Variants in SPRED2 observed in about 807,000 individuals in gnomAD.
SPRED2 encodes the protein sprouty related EVH1 domain containing 2, also known as sprouty-related, EVH1 domain-containing protein 2.
A neutral mutation model predicts 43.0 loss-of-function variants in SPRED2; 47 were observed. The ratio of observed to expected loss-of-function variants is 1.09; its 90% confidence interval spans 0.87 to 1.40. SPRED2 has a LOEUF of 1.40. SPRED2 is among the 40% of genes most tolerant of loss of function. The pLI is 0.00. For missense variants in SPRED2, 561 were observed against 586.4 expected, an observed-to-expected ratio of 0.96 and a Z score of 0.45; for synonymous variants, 225 against 225.7, an observed-to-expected ratio of 1.00 and a Z score of 0.03.
Position 65,313,874 on chromosome 2 carries a change from C to A in SPRED2, c.884G>T (p.Gly295Val), listed in dbSNP as rs138517414. 1.2e-6 allele frequency: 2 copies of A among 1,610,466 alleles called. No individual in the cohort carries two copies. Among genetic ancestry groups the A allele is most frequent in the Admixed American group, 1.7e-5 (1 of 60,006 alleles). ...GTCCTCCTTCCGCCGCCGCGACTTG[C>A]CCCGGGAGGGCTGCGTCTTGATCAC... ...GSVIKTQPSR[G>V]KSRRRKEDGE... Residue 295 changes from glycine to valine, a missense_variant, in exon 6 of 6, where the codon GGC becomes GTC. Physicochemically the swap from Gly to Val is moderately radical, Grantham distance 109 (BLOSUM62 -3). Transcript: ENST00000356388.
At chr2:65,352,296 T>C (rs1674533563) in intron 1 of SPRED2, among the ~76,000 whole-genome samples, 1 of 152,358 alleles carries the variant, frequency 6.6e-6, no homozygotes, top group South Asian at 2.1e-4. Context: ...GAGAACCAGT[T>C]TGCATGATGT....
At chr2:65,347,557 CCAT>C (rs931911126) in intron 1 of SPRED2, among the ~76,000 whole-genome samples, 1 of 152,102 alleles carries the variant, frequency 6.6e-6, no homozygotes, top group Non-Finnish European at 1.5e-5. Context: ...GTGCCCACCA[CCAT>C]GCCTACGCTT....
rs1674990616 is a variant in SPRED2 at position 65,366,706 on chromosome 2, C to G, written c.27-21810G>C. The G allele has an allele frequency of 2.6e-6, 4 of 1,525,814 alleles. No homozygotes were observed. The African/African-American group carries it at 5.6e-5, about 21-fold the overall frequency. 94.5% of individuals were successfully genotyped at this position (1,525,814 alleles called of 1,614,324 possible). A position where few individuals can be genotyped will look rare whatever the true frequency, so the allele number is the denominator to read the frequency against. ...CGTCTCTTGCTGACCTGAGAACCAG[C>G]TGGCTGCCTGAGAAGTGGTTTCCCC... On this transcript the variant is annotated intron_variant, in intron 1 of 5. Transcript: ENST00000356388.
intron 1 of SPRED2, among the ~76,000 whole-genome samples, chr2:65,351,195 G>A (rs933772457): frequency 6.6e-6 from 1 of 152,108 alleles, no homozygotes; most frequent in Non-Finnish European, 1.5e-5. Context: ...ACAGTAGGAG[G>A]AAATTTGACA....
intron 3 of SPRED2, 110 bp from the exon 4 acceptor site, chr2:65,332,161 A>C: frequency 3.3e-6 from 2 of 605,086 alleles, no homozygotes; most frequent in Non-Finnish European, 5.6e-6. Flanking sequence ...TTTGCATGTG[A>C]ATTACCAACA....
At chr2:65,334,212 G>A (rs1191596603) in intron 3 of SPRED2, 3 of 472,374 alleles carry the variant, frequency 6.4e-6, no homozygotes, top group Non-Finnish European at 1.3e-5. Flanking sequence ...GATTACAGGA[G>A]GACAGTGGGT....
At position 65,347,542 on chromosome 2, in the gene SPRED2, C is replaced by T. The variant is rs571811400; in HGVS notation, c.27-2646G>A. ...ATAGACAAAATCACAGGAGACCTTT[C>T]GCCTGTGCCCACCACCATGCCTACG... On this transcript the variant is annotated intron_variant, in intron 1 of 5. Coordinates refer to ENST00000356388, the MANE Select transcript of SPRED2 (RefSeq NM_181784.3). Among the ~76,000 whole-genome samples the T allele has an allele frequency of 9.9e-5, 15 of 152,224 alleles. 2 individuals carry two copies. Among genetic ancestry groups the T allele is most frequent in the South Asian group, 6.2e-4 (3 of 4,822 alleles).
intron 1 of SPRED2, among the ~76,000 whole-genome samples, chr2:65,423,596 T>C (rs1676486842): frequency 6.6e-6 from 1 of 152,200 alleles, no homozygotes; most frequent in East Asian, 1.9e-4. Flanking sequence ...AGGTACAAAG[T>C]GAAAATCTTG....
At chr2:65,401,937 G>GCGCGCGCGCGCACACACACA (rs776512353) in intron 1 of SPRED2, among the ~76,000 whole-genome samples, 19 of 114,706 alleles carry the variant, frequency 1.7e-4, no homozygotes, top group African/African-American at 6.4e-4. Flanking sequence ...GCGCGCGCGC[G>GCGCGCGCGCGCACACACACA]CACACACACA....
intron 1 of SPRED2, among the ~76,000 whole-genome samples, chr2:65,412,161 A>G (rs1156913755): frequency 1.3e-5 from 2 of 151,912 alleles, no homozygotes; most frequent in African/African-American, 4.8e-5. Context: ...AAAAAGAAAA[A>G]GAAAATGAAC....
chr2:65,374,353 G>A (rs1296356070), intron 1 of SPRED2, among the ~76,000 whole-genome samples: 1 of 152,208 alleles, frequency 6.6e-6, no homozygotes, highest in Non-Finnish European at 1.5e-5. Context: ...TACAGCTGTT[G>A]ATCAAGTTCC....
intron 1 of SPRED2, among the ~76,000 whole-genome samples, chr2:65,369,028 T>G (rs1323743302): frequency 2.0e-5 from 3 of 152,076 alleles, no homozygotes; most frequent in African/African-American, 7.2e-5. Flanking sequence ...TAAGCTATGT[T>G]TGCACCACCG....
chr2:65,391,105 TCTA>T (rs1369889663), intron 1 of SPRED2, among the ~76,000 whole-genome samples: 1 of 124,920 alleles, frequency 8.0e-6, no homozygotes, highest in African/African-American at 2.7e-5. Context: ...AAAAAAAAAA[TCTA>T]CTGCCTGACT....
Position 65,313,534 on chromosome 2 carries a change from C to A in SPRED2, c.1224G>T (p.Arg408Ser). Residue 408 changes from arginine (R) to serine (S), a missense_variant, in exon 6 of 6, where the codon AGG (arginine) becomes AGT (serine). Arg to Ser is a moderately radical substitution (Grantham distance 110, BLOSUM62 -1). Transcript: ENST00000356388. Reference protein sequence around the residue: ...RACYHCGVMCRCCGGKHKAAA With the variant: ...RACYHCGVMCSCCGGKHKAAA ...CCGCTTTGTGCTTCCCGCCACAGCA[C>A]CTGCACATCACTCCGCAGTGGTAGC... 1 of 1,612,124 alleles carries A rather than the reference C, an allele frequency of 6.2e-7. No individual in the cohort carries two copies. The highest frequency in any genetic ancestry group is 8.5e-7 in the Non-Finnish European group (1 of 1,179,128).
chr2:65,362,950 C>T (rs938180948), intron 1 of SPRED2, among the ~76,000 whole-genome samples: 15 of 148,880 alleles, frequency 1.0e-4, no homozygotes, highest in African/African-American at 3.2e-4. Context: ...CCGAGGCGGG[C>T]GAGCAGGCCA....
chr2:65,310,777 G>A, downstream of SPRED2: 1 of 752,332 alleles, frequency 1.3e-6, no homozygotes, highest in African/African-American at 1.9e-5. Flanking sequence ...CATCCTGTAT[G>A]CGGGAACTCC....
At chr2:65,350,419 C>T (rs1674474422) in intron 1 of SPRED2, among the ~76,000 whole-genome samples, 1 of 152,182 alleles carries the variant, frequency 6.6e-6, no homozygotes. Flanking sequence ...CAAACCCCAA[C>T]TGAATGGAGC....
intron 3 of SPRED2, among the ~76,000 whole-genome samples, chr2:65,333,181 G>A (rs907501890): frequency 2.7e-5 from 4 of 150,426 alleles, no homozygotes; most frequent in Admixed American, 6.6e-5. Context: ...CATGAGAATC[G>A]CTTGAACCTG....
At chr2:65,390,407 A>G (rs1675604545) in intron 1 of SPRED2, among the ~76,000 whole-genome samples, 1 of 152,144 alleles carries the variant, frequency 6.6e-6, no homozygotes, top group African/African-American at 2.4e-5. Flanking sequence ...GACTGGAGTG[A>G]GCCTGGCCAG....
Sources: gnomAD v4.1 joint callset for allele counts (sites outside exome capture counted in the v4.1 genomes callset) on GRCh38, gnomAD v4.1.1 for gene constraint, MANE v1.5 for transcripts, NCBI Gene and HGNC (gene_info 2026-07-23, HGNC 2026-07-21) for gene names.